TLN2: variants seen among roughly 807,000 people sequenced by gnomAD.
TLN2 encodes the protein talin-2.
In TLN2, 118 loss-of-function variants were observed where a neutral mutation model predicts 294.7. That is an observed-to-expected ratio of 0.40 (90% CI 0.34 to 0.47). The LOEUF is 0.47. Ranked by LOEUF, TLN2 falls within the 20% of genes least tolerant of loss-of-function variation. The pLI is 0.84. For missense variants in TLN2, 3,083 were observed against 3,282.2 expected (o/e 0.94, Z 1.48); for synonymous variants, 1,431 against 1,304.5 (o/e 1.10, Z -2.09).
chr15:62,730,966 G>C (rs1246286754), intron 28 of TLN2, among the ~76,000 whole-genome samples: 1 of 152,018 alleles, frequency 6.6e-6, no homozygotes, highest in African/African-American at 2.4e-5. Flanking sequence ...TACATCTTCT[G>C]TACCCTTTTC....
chr15:62,502,062 C>T (rs2039338573), intron 1 of TLN2, among the ~76,000 whole-genome samples: 1 of 152,192 alleles, frequency 6.6e-6, no homozygotes, highest in Non-Finnish European at 1.5e-5. Context: ...TATAGGAGAA[C>T]TAGTCACAGG....
chr15:62,705,754 G>A (rs889869331), intron 19 of TLN2, among the ~76,000 whole-genome samples: 1 of 152,208 alleles, frequency 6.6e-6, no homozygotes, highest in African/African-American at 2.4e-5. Flanking sequence ...TGCCATAGTG[G>A]GAGCAATTCC....
intron 1 of TLN2, among the ~76,000 whole-genome samples, chr15:62,552,552 A>C (rs1399337092): frequency 6.6e-6 from 1 of 152,080 alleles, no homozygotes; most frequent in African/African-American, 2.4e-5. Context: ...ATGTTTTTGC[A>C]TTTTTATACT....
At chr15:62,791,732 G>T (rs556373270) in intron 45 of TLN2, among the ~76,000 whole-genome samples, 55 of 152,336 alleles carry the variant, frequency 3.6e-4, no homozygotes, top group African/African-American at 1.3e-3. Context: ...ACTGACCCAT[G>T]CTTAAAGTTT....
intron 3 of TLN2, among the ~76,000 whole-genome samples, chr15:62,643,783 C>A (rs908778207): frequency 6.6e-6 from 1 of 152,094 alleles, no homozygotes; most frequent in African/African-American, 2.4e-5. Flanking sequence ...AGACTCTGCA[C>A]CCAGGGTCCT....
chr15:62,825,843 ATAAATATATTATATATATATATAT>A, intron 54 of TLN2, among the ~76,000 whole-genome samples: 4 of 82,114 alleles, frequency 4.9e-5, no homozygotes, highest in African/African-American at 1.8e-4. Flanking sequence ...TATAATATAT[ATAAATATATTATATATATATATAT>A]TTATATATAT....
At position 62,724,912 on chromosome 15, in the gene TLN2, C is replaced by T. The variant is rs571678981; in HGVS notation, c.3127-64C>T. The T allele has an allele frequency of 2.7e-5, 42 of 1,542,930 alleles. No homozygotes were observed. In the South Asian group the frequency reaches 5.1e-4, roughly 19 times the overall value. ...ATCCAGAAGGGCATTTTATAAGTTG[C>T]AAAAGTGTTGGGGACACTTTTCCCA... On this transcript the variant is annotated intron_variant, in intron 26 of 58. Coordinates refer to ENST00000636159, the MANE Select transcript of TLN2 (RefSeq NM_015059.3).
chr15:62,620,816 CTTTTTTTTTTCTTTCTTTTTCTTT>C (rs1356523746), intron 3 of TLN2, among the ~76,000 whole-genome samples: 3 of 133,686 alleles, frequency 2.2e-5, no homozygotes, highest in African/African-American at 8.5e-5. Flanking sequence ...AAACCTGCTT[CTTTTTTTTTTCTTTCTTTTTCTTT>C]TTTTTTTTTT....
intron 3 of TLN2, chr15:62,640,357 G>C (rs35757182): frequency 0.056 from 25,614 of 456,996 alleles, 976 homozygotes; most frequent in South Asian, 0.091. Context: ...GGTGGAGAGT[G>C]AGTGGCTAGA....
chr15:62,834,954 C>G (rs368833815), intron 55 of TLN2: 4 of 152,268 alleles, frequency 2.6e-5, no homozygotes, highest in East Asian at 1.9e-4. Flanking sequence ...GGAGGTTCAG[C>G]CAGACTTGGG....
chr15:62,517,186 G>A (rs1277175815), intron 1 of TLN2, among the ~76,000 whole-genome samples: 1 of 152,126 alleles, frequency 6.6e-6, no homozygotes, highest in Non-Finnish European at 1.5e-5. Flanking sequence ...TTGTGCCTTG[G>A]AGTCCCCACT....
At chr15:62,744,375 GC>G (rs1210126006) in intron 32 of TLN2, among the ~76,000 whole-genome samples, 5 of 150,220 alleles carry the variant, frequency 3.3e-5, no homozygotes, top group African/African-American at 1.2e-4. Flanking sequence ...ATCCTAGAGA[GC>G]CATAAAAGAT....
intron 12 of TLN2, among the ~76,000 whole-genome samples, chr15:62,689,066 C>G (rs1337831095): frequency 7.3e-6 from 1 of 136,092 alleles, no homozygotes; most frequent in Non-Finnish European, 1.6e-5. Flanking sequence ...ATTTCTCTCT[C>G]TCTTTTTTTT....
Position 62,833,509 on chromosome 15 carries a change from G to C in TLN2, c.7008G>C (p.Ala2336=). The part of the protein sequence containing the change: ...QLKPRAKPKQ[A]DETLDFEEQI... ...CTGTTTTCTTTTGGTTATAGCAAGC[G>C]GATGAGACCCTGGACTTTGAGGAAC... Residue 2336 remains alanine (A), a synonymous_variant, in exon 55 of 59, where the codon GCG becomes GCC. Transcript: ENST00000636159. 6.2e-7 allele frequency: 1 copy of C among 1,613,826 alleles called. No individual in the cohort carries two copies. Among genetic ancestry groups the C allele is most frequent in the African/African-American group, 1.3e-5 (1 of 75,030 alleles).
chr15:62,748,058 A>C (rs890722914), intron 32 of TLN2, among the ~76,000 whole-genome samples: 27 of 152,148 alleles, frequency 1.8e-4, no homozygotes, highest in African/African-American at 5.8e-4. Context: ...TGAAAAAAAA[A>C]CCCACCTATA....
chr15:62,764,608 TTGA>T (rs2062877952), intron 40 of TLN2, among the ~76,000 whole-genome samples: 1 of 152,172 alleles, frequency 6.6e-6, no homozygotes, highest in African/African-American at 2.4e-5. Flanking sequence ...AGGGTACCAC[TTGA>T]TAAATTATCA....
At chr15:62,589,607 G>A (rs541118602) in intron 1 of TLN2, 80 bp from the exon 2 acceptor site, 6 of 152,218 alleles carry the variant, frequency 3.9e-5, no homozygotes, top group African/African-American at 1.4e-4. Context: ...GCTTAGTGTG[G>A]GGGAAATGAC....
chr15:62,524,241 G>C (rs1441449094), intron 1 of TLN2, among the ~76,000 whole-genome samples: 2 of 152,166 alleles, frequency 1.3e-5, no homozygotes, highest in East Asian at 1.9e-4. Context: ...CTGTCTTACT[G>C]TTCATGTTTA....
At chr15:62,588,671 T>TATATATATATATATATACATTTTTTTC (rs2045839523) in intron 1 of TLN2, among the ~76,000 whole-genome samples, 5 of 52,086 alleles carry the variant, frequency 9.6e-5, no homozygotes, top group Non-Finnish European at 1.5e-4. Context: ...TTTTCATATA[T>TATATATATATATATATACATTTTTTTC]ATATATATAT....
Sources: gnomAD v4.1 joint callset for allele counts (sites outside exome capture counted in the v4.1 genomes callset) on GRCh38, gnomAD v4.1.1 for gene constraint, MANE v1.5 for transcripts, NCBI Gene and HGNC (gene_info 2026-07-23, HGNC 2026-07-21) for gene names.